The following XYLT1 variants were observed in gnomAD, a reference collection of about 807,000 sequenced individuals.
XYLT1 encodes the protein xylosyltransferase 1.
A neutral mutation model predicts 91.3 loss-of-function variants in XYLT1; 36 were observed. The ratio of observed to expected loss-of-function variants is 0.39; its 90% confidence interval spans 0.30 to 0.52. The LOEUF (loss-of-function observed/expected upper bound fraction) is 0.52, where lower values mean the gene tolerates loss of function less well. Ranked by LOEUF, XYLT1 falls within the 20% of genes least tolerant of loss-of-function variation. The pLI, the probability that XYLT1 is intolerant of heterozygous loss-of-function variation, is 0.68. For missense variants in XYLT1, 1,242 were observed against 1,284.5 expected, an observed-to-expected ratio of 0.97 and a Z score of 0.51; for synonymous variants, 588 against 532.0, an observed-to-expected ratio of 1.11 and a Z score of -1.45.
At chr16:17,146,877 C>T (rs1168898665) in intron 6 of XYLT1, among the ~76,000 whole-genome samples, 1 of 152,154 alleles carries the variant, frequency 6.6e-6, no homozygotes, top group Non-Finnish European at 1.5e-5. Flanking sequence ...ATCAAAAGAC[C>T]CAGCTGTCCT....
Position 17,116,897 on chromosome 16 carries a change from C to T in XYLT1, c.2557+749G>A, listed in dbSNP as rs575416777. 1.1e-4 allele frequency among the ~76,000 whole-genome samples: 16 copies of T among 152,308 alleles called. No homozygotes were observed. The East Asian group carries it at 2.9e-3, about 28-fold the overall frequency. The stretch of plus-strand genomic sequence containing the variant: ...TTCATTTCTCCCATTTTTAATGAGG[C>T]TGAACATGTTTTTGCGTGTGTGAGG... On this transcript the variant is annotated intron_variant, in intron 11 of 11. Coordinates refer to ENST00000261381, the MANE Select transcript of XYLT1 (RefSeq NM_022166.4).
intron 3 of XYLT1, among the ~76,000 whole-genome samples, chr16:17,215,867 C>T (rs886651422): frequency 2.6e-5 from 4 of 152,114 alleles, no homozygotes; most frequent in African/African-American, 9.7e-5. Context: ...AGAGGCATCA[C>T]ACAGGGTCTT....
At chr16:17,128,450 A>G (rs2030340516) in intron 9 of XYLT1, among the ~76,000 whole-genome samples, 1 of 152,158 alleles carries the variant, frequency 6.6e-6, no homozygotes, top group African/African-American at 2.4e-5. Context: ...TGATAACTCT[A>G]ATTTTTTGCT....
chr16:17,309,375 G>A (rs910539026), intron 2 of XYLT1, among the ~76,000 whole-genome samples: 3 of 152,178 alleles, frequency 2.0e-5, no homozygotes, highest in Admixed American at 6.5e-5. Context: ...CTGACACACC[G>A]TGGGTCCTCA....
intron 2 of XYLT1, among the ~76,000 whole-genome samples, chr16:17,340,390 G>A (rs748175387): frequency 6.6e-6 from 1 of 152,266 alleles, no homozygotes; most frequent in Admixed American, 6.5e-5. Context: ...GTCTCCAGCT[G>A]CCACCACATG....
intron 2 of XYLT1, among the ~76,000 whole-genome samples, chr16:17,356,941 C>G (rs1166520704): frequency 1.3e-5 from 2 of 151,892 alleles, no homozygotes; most frequent in African/African-American, 4.8e-5. Context: ...CTTTGGGAGG[C>G]CAAGGTGAGC....
chr16:17,379,848 G>T (rs1309666704), intron 1 of XYLT1, among the ~76,000 whole-genome samples: 1 of 149,882 alleles, frequency 6.7e-6, no homozygotes, highest in Non-Finnish European at 1.5e-5. Flanking sequence ...TGAAAATACT[G>T]GTCTTTCCAA....
rs759418934 is a variant in XYLT1 at position 17,198,272 on chromosome 16, T to A, written c.1229A>T (p.Glu410Val). 1.1e-5 allele frequency: 18 copies of A among 1,614,060 alleles called. No individual in the cohort carries two copies. Among genetic ancestry groups the A allele is most frequent in the East Asian group, 6.7e-5 (3 of 44,894 alleles). Reference sequence around the variant, plus strand: ...GAAGTCCCAGGGCCAGTCGGTCATCTCCAGGAGGTCCCGCATGCTCTGCAG... The same window carrying A: ...GAAGTCCCAGGGCCAGTCGGTCATCACCAGGAGGTCCCGCATGCTCTGCAG... ...TYLQSMRDLL[E>V]MTDWPWDFFI... Residue 410 changes from glutamate to valine, a missense_variant, in exon 5 of 12, where the codon GAG becomes GTG. Glu to Val is a moderately radical substitution (Grantham distance 121). This residue lies in a region of XYLT1 where 294 missense variants were observed against 376.0 expected (regional missense o/e 0.78). Coordinates refer to ENST00000261381, the MANE Select transcript of XYLT1 (RefSeq NM_022166.4).
At chr16:17,168,998 C>T (rs1482503634) in intron 5 of XYLT1, among the ~76,000 whole-genome samples, 1 of 152,208 alleles carries the variant, frequency 6.6e-6, no homozygotes, top group African/African-American at 2.4e-5. Context: ...TGTGTTCTTT[C>T]ATAACTCTAA....
rs1209914632 is a variant in XYLT1, at chr16:17,470,714, TGCA to T, written c.80_82del (p.Leu27del). 14 of 1,165,770 alleles carry T rather than the reference TGCA, an allele frequency of 1.2e-5. No homozygotes were observed. The highest frequency in any genetic ancestry group is 1.6e-4 in the East Asian group (2 of 12,196). The allele number at this position is 1,165,770 out of a possible 1,614,324, so 72.2% of individuals were successfully genotyped here. A position where few individuals can be genotyped will look rare whatever the true frequency, so the allele number is the denominator to read the frequency against. On this transcript the variant is annotated inframe_deletion, in exon 1 of 12. Transcript: ENST00000261381. ...GCTGAAATTCCACACGACCAGCGTC[TGCA>T]GCAGCAGCACCGTGAGCGCCGCGAG... is the stretch of plus-strand genomic sequence containing the variant.
rs1199064488 is a variant in XYLT1, at chr16:17,415,456, G to A, written c.363+54978C>T. On this transcript the variant is annotated intron_variant, in intron 1 of 11. Transcript: ENST00000261381. ...TGTAATCCCACCACTTTGGGAGGCC[G>A]AGGCGGGCGGATTGCCTAAGCTCAG... Among the ~76,000 whole-genome samples, 7 of 152,316 alleles carry A rather than the reference G, an allele frequency of 4.6e-5. No individual in the cohort carries two copies. The South Asian group carries it at 6.2e-4, about 14-fold the overall frequency.
chr16:17,328,078 C>T (rs115115431), intron 2 of XYLT1, among the ~76,000 whole-genome samples: 7 of 152,262 alleles, frequency 4.6e-5, no homozygotes, highest in East Asian at 1.9e-4. Flanking sequence ...CCACAGACCA[C>T]GTAACCTCCC....
chr16:17,437,787 T>G (rs894891316), intron 1 of XYLT1, among the ~76,000 whole-genome samples: 3 of 152,118 alleles, frequency 2.0e-5, no homozygotes, highest in African/African-American at 7.2e-5. Context: ...CTGGCAAGTT[T>G]AAAAAATACA....
intron 2 of XYLT1, among the ~76,000 whole-genome samples, chr16:17,323,870 T>C (rs2141832349): frequency 6.6e-6 from 1 of 152,326 alleles, no homozygotes; most frequent in South Asian, 2.1e-4. Context: ...CACAGAAAGT[T>C]CCGAAGCGCA....
intron 9 of XYLT1, among the ~76,000 whole-genome samples, chr16:17,133,511 C>T (rs1402571326): frequency 6.6e-6 from 1 of 151,860 alleles, no homozygotes; most frequent in Admixed American, 6.5e-5. Context: ...TCTGGAACTT[C>T]TGCTCAATGG....
At chr16:17,129,121 G>C (rs1449693862) in intron 9 of XYLT1, among the ~76,000 whole-genome samples, 9 of 144,358 alleles carry the variant, frequency 6.2e-5, no homozygotes, top group African/African-American at 2.0e-4. Context: ...CAGATGGTTT[G>C]TTGGGCATTC....
At chr16:17,264,789 C>T (rs151156055) in intron 2 of XYLT1, among the ~76,000 whole-genome samples, 4 of 151,908 alleles carry the variant, frequency 2.6e-5, no homozygotes, top group South Asian at 2.1e-4. Flanking sequence ...ATAACTTGAC[C>T]GAGGCTACAC....
At chr16:17,193,053 T>C (rs1331013293) in intron 5 of XYLT1, 1 of 152,180 alleles carries the variant, frequency 6.6e-6, no homozygotes, top group Non-Finnish European at 1.5e-5. Context: ...CCTCAAGTGA[T>C]CCACCTGCCT....
At chr16:17,249,338 G>A (rs1258589040) in intron 3 of XYLT1, among the ~76,000 whole-genome samples, 2 of 152,148 alleles carry the variant, frequency 1.3e-5, no homozygotes, top group African/African-American at 4.8e-5. Flanking sequence ...AGTGTGAAGG[G>A]AGGTTGAGCC....
Sources: gnomAD v4.1 joint callset for allele counts (sites outside exome capture counted in the v4.1 genomes callset) on GRCh38, gnomAD v4.1.1 for gene constraint, gnomAD v4.1.1 regional missense constraint, MANE v1.5 for transcripts, NCBI Gene and HGNC (gene_info 2026-07-23, HGNC 2026-07-21) for gene names.